OPHN1: variants seen among roughly 807,000 people sequenced by gnomAD.
The protein encoded by OPHN1 is oligophrenin 1.
In OPHN1, 11 loss-of-function variants were observed where a neutral mutation model predicts 60.7. The ratio of observed to expected loss-of-function variants is 0.18; its 90% CI spans 0.11 to 0.30. The LOEUF (loss-of-function observed/expected upper bound fraction) is 0.30. Among genes scored for constraint, OPHN1 ranks in the 10% least tolerant of loss-of-function variants. The pLI is 1.00. For missense variants in OPHN1, 449 were observed against 611.0 expected, an observed-to-expected ratio of 0.73 and a Z score of 2.80; for synonymous variants, 226 against 222.6, an observed-to-expected ratio of 1.02 and a Z score of -0.14.
chrX:68,400,855 G>A (rs1044547874), intron 2 of OPHN1, among the ~76,000 whole-genome samples: 33 of 111,128 alleles, frequency 3.0e-4, no homozygotes, highest in African/African-American at 1.0e-3. Context: ...ACCCGCCTCT[G>A]CCTCCTAAAG....
chrX:68,229,679 A>G (rs1367968830), intron 6 of OPHN1, among the ~76,000 whole-genome samples: 2 of 112,370 alleles, frequency 1.8e-5, no homozygotes, highest in Non-Finnish European at 3.7e-5. Flanking sequence ...TCCCTTTTTA[A>G]TAAATGGTGC....
intron 2 of OPHN1, among the ~76,000 whole-genome samples, chrX:68,425,229 T>C (rs5965577): frequency 0.04 from 4,471 of 111,532 alleles, 252 homozygotes; most frequent in African/African-American, 0.14. Flanking sequence ...AATGAGAGGA[T>C]AGTCAAGTAG....
chrX:68,075,076 G>A (rs1191545498), intron 19 of OPHN1, among the ~76,000 whole-genome samples: 1 of 112,525 alleles, frequency 8.9e-6, no homozygotes, highest in African/African-American at 3.2e-5. Flanking sequence ...TGCAACAGTA[G>A]TTTTAAAGGC....
At position 68,283,045 on chromosome X, in the gene OPHN1, T is replaced by G. The variant is rs2078026015; in HGVS notation, c.312+11A>C. On this transcript the variant is annotated intron_variant, in intron 4 of 24. Coordinates refer to ENST00000355520, the MANE Select transcript of OPHN1 (RefSeq NM_002547.3). Reference sequence around the variant, plus strand: ...ATGAACTCAGCTTCAGTGACAGCGTTAGTGACTTACCATCATCATCCTCTC... The same window carrying G: ...ATGAACTCAGCTTCAGTGACAGCGTGAGTGACTTACCATCATCATCCTCTC... The G allele has an allele frequency of 8.4e-7, 1 of 1,194,734 alleles. No homozygotes were observed. The highest frequency in any genetic ancestry group is 1.8e-5 in the African/African-American group (1 of 56,988).
intron 2 of OPHN1, among the ~76,000 whole-genome samples, chrX:68,352,895 G>A (rs1353915467): frequency 8.9e-6 from 1 of 112,047 alleles, no homozygotes; most frequent in Non-Finnish European, 1.9e-5. Context: ...GCTTACGCCT[G>A]TAATCCTAAC....
At chrX:68,350,080 C>A (rs1379172088) in intron 2 of OPHN1, among the ~76,000 whole-genome samples, 1 of 111,169 alleles carries the variant, frequency 9.0e-6, no homozygotes, top group Non-Finnish European at 1.9e-5. Flanking sequence ...ACAAAAAAAT[C>A]TATTGTGCAT....
intron 5 of OPHN1, among the ~76,000 whole-genome samples, chrX:68,251,290 G>A (rs761025535): frequency 4.0e-5 from 4 of 100,979 alleles, no homozygotes; most frequent in African/African-American, 7.4e-5. Context: ...AGGTTCAAGC[G>A]ATTCTCCTAC....
At chrX:68,335,784 C>G (rs1289218932) in intron 2 of OPHN1, among the ~76,000 whole-genome samples, 1 of 110,964 alleles carries the variant, frequency 9.0e-6, no homozygotes, top group Non-Finnish European at 1.9e-5. Context: ...TAAAAATTAG[C>G]TGGGCACGGG....
In OPHN1 at chrX:68,242,246, A is replaced by G. The variant is rs185718022; in HGVS notation, c.385-7658T>C. 3.6e-3 allele frequency among the ~76,000 whole-genome samples: 382 copies of G among 105,156 alleles called. 1 individual carries two copies. Among genetic ancestry groups the G allele is most frequent in the African/African-American group, 0.013 (364 of 28,825 alleles). The allele number at this position is 105,156 out of a possible 115,157, so 91.3% of individuals were successfully genotyped here. A position where few individuals can be genotyped will look rare whatever the true frequency, so the allele number is the denominator to read the frequency against. On this transcript the variant is annotated intron_variant, in intron 5 of 24. Transcript: ENST00000355520. ...AAAAAAAAAAAAAAAAGCTGGATGCAGTAGCACATGCCTGTATTCCTAGCT... is the reference window on the plus strand; with the variant it reads ...AAAAAAAAAAAAAAAAGCTGGATGCGGTAGCACATGCCTGTATTCCTAGCT...
At chrX:68,182,101 C>T (rs1361242155) in intron 15 of OPHN1, among the ~76,000 whole-genome samples, 6 of 109,961 alleles carry the variant, frequency 5.5e-5, no homozygotes, top group African/African-American at 1.7e-4. Context: ...AATGGCTACA[C>T]CTTAGGCACC....
chrX:68,334,460 A>G (rs1383893146), intron 2 of OPHN1, among the ~76,000 whole-genome samples: 2 of 111,282 alleles, frequency 1.8e-5, no homozygotes, highest in Non-Finnish European at 3.8e-5. Context: ...ATTTTAATAT[A>G]CACAATTTTT....
intron 5 of OPHN1, among the ~76,000 whole-genome samples, chrX:68,246,969 C>T (rs940209005): frequency 2.7e-5 from 3 of 111,571 alleles, no homozygotes; most frequent in Admixed American, 9.6e-5. Flanking sequence ...TGCTGCAAAG[C>T]GTTCCATATC....
In OPHN1 at chrX:68,164,751, C is replaced by T. The variant is rs2077350194; in HGVS notation, c.1276+28168G>A. On this transcript the variant is annotated intron_variant, in intron 15 of 24. Transcript: ENST00000355520. ...CCTTTGAAGCCAGGCATTGACTTCT[C>T]CTCCTCTCTAGCTATGGAAGTCCTA... 2.7e-5 allele frequency among the ~76,000 whole-genome samples: 3 copies of T among 111,920 alleles called. No homozygotes were observed. The South Asian group carries it at 1.1e-3, about 42-fold the overall frequency.
intron 15 of OPHN1, among the ~76,000 whole-genome samples, chrX:68,151,724 G>T (rs912583996): frequency 8.9e-6 from 1 of 111,732 alleles, no homozygotes; most frequent in African/African-American, 3.3e-5. Context: ...CCTTGAAACG[G>T]TTATTTCAAA....
In OPHN1 at chrX:68,426,029, G is replaced by A. The variant is rs1262214227; in HGVS notation, c.154+6838C>T. Among the ~76,000 whole-genome samples, 5 of 110,389 alleles carry A rather than the reference G, an allele frequency of 4.5e-5. No homozygotes were observed. In the Admixed American group the frequency reaches 4.8e-4, roughly 11 times the overall value. Reference sequence around the variant, plus strand: ...ATATTTTTTGTAGAGACAAGGTTTCGCCATGTTACACAAGCTGGTCTCAAA... The same window carrying A: ...ATATTTTTTGTAGAGACAAGGTTTCACCATGTTACACAAGCTGGTCTCAAA... On this transcript the variant is annotated intron_variant, in intron 2 of 24. Transcript: ENST00000355520.
At chrX:68,092,202 A>T (rs1391081979) in intron 19 of OPHN1, among the ~76,000 whole-genome samples, 3 of 110,559 alleles carry the variant, frequency 2.7e-5, no homozygotes, top group Non-Finnish European at 5.7e-5. Context: ...TGAAATTATA[A>T]TATATTTCAA....
Position 68,217,422 on chromosome X carries a change from C to T in OPHN1, c.487-3450G>A, listed in dbSNP as rs756257795. Reference sequence around the variant, plus strand: ...CCAGGAAGCTCGAACTGGGTGGAGCCCACCACAGCTCAAGGAGGCCTGCCT... The same window carrying T: ...CCAGGAAGCTCGAACTGGGTGGAGCTCACCACAGCTCAAGGAGGCCTGCCT... On this transcript the variant is annotated intron_variant, in intron 6 of 24. Coordinates refer to ENST00000355520, the MANE Select transcript of OPHN1 (RefSeq NM_002547.3). Among the ~76,000 whole-genome samples, 550 of 112,055 alleles carry T rather than the reference C, an allele frequency of 4.9e-3. 3 individuals carry two copies. The highest frequency in any genetic ancestry group is 0.017 in the African/African-American group (516 of 30,952).
chrX:68,278,591 A>G (rs2078003181), intron 4 of OPHN1, among the ~76,000 whole-genome samples: 1 of 113,604 alleles, frequency 8.8e-6, no homozygotes, highest in Admixed American at 9.2e-5. Context: ...TGAAATATCA[A>G]AAGAGAGCAC....
At chrX:68,130,968 C>G (rs1246959546) in intron 15 of OPHN1, among the ~76,000 whole-genome samples, 2 of 110,645 alleles carry the variant, frequency 1.8e-5, no homozygotes, top group Non-Finnish European at 3.8e-5. Context: ...TGGGGAAGAG[C>G]TTTCTATGCA....
Sources: gnomAD v4.1 joint callset for allele counts (sites outside exome capture counted in the v4.1 genomes callset) on GRCh38, gnomAD v4.1.1 for gene constraint, MANE v1.5 for transcripts, NCBI Gene and HGNC (gene_info 2026-07-23, HGNC 2026-07-21) for gene names.